The following LRRIQ3 variants were observed in gnomAD, a reference collection of about 807,000 sequenced individuals.
LRRIQ3 encodes the protein leucine-rich repeat and IQ domain-containing protein 3.
LRRIQ3 carries 75 observed loss-of-function variants against 59.3 expected under a neutral mutation model. The ratio of observed to expected loss-of-function variants is 1.26; its 90% confidence interval spans 1.05 to 1.53. The LOEUF is 1.53. Ranked by LOEUF, LRRIQ3 falls within the 40% of genes most tolerant of loss-of-function variation. The pLI is 0.00. For missense variants in LRRIQ3, 831 were observed against 710.0 expected, an observed-to-expected ratio of 1.17 and a Z score of -1.94; for synonymous variants, 250 against 231.3, an observed-to-expected ratio of 1.08 and a Z score of -0.73.
At chr1:74,109,246 T>A in intron 5 of LRRIQ3, 148 bp downstream of exon 5, 1 of 669,664 alleles carries the variant, frequency 1.5e-6, no homozygotes, top group African/African-American at 1.8e-5. Flanking sequence ...ACTATATAAC[T>A]TTTTTCAATC....
chr1:74,164,108 T>C (rs1648823524), intron 3 of LRRIQ3, among the ~76,000 whole-genome samples: 1 of 151,470 alleles, frequency 6.6e-6, no homozygotes, highest in African/African-American at 2.4e-5. Flanking sequence ...GTTTTTGACG[T>C]GTGTGTGTAT....
At chr1:74,183,401 T>C in intron 2 of LRRIQ3, 35 bp downstream of exon 2, 1 of 1,499,084 alleles carries the variant, frequency 6.7e-7, no homozygotes. Context: ...TGAAATTTCG[T>C]TTATATGCAA....
intron 3 of LRRIQ3, among the ~76,000 whole-genome samples, chr1:74,173,275 C>A (rs1419633759): frequency 1.1e-4 from 3 of 28,520 alleles, no homozygotes; most frequent in East Asian, 3.5e-3. Flanking sequence ...CCAGACTGGG[C>A]AAGAGTGAGA....
intron 3 of LRRIQ3, among the ~76,000 whole-genome samples, chr1:74,161,073 A>G (rs1176286342): frequency 6.6e-6 from 1 of 152,084 alleles, no homozygotes; most frequent in Non-Finnish European, 1.5e-5. Context: ...TGGGAAGTCC[A>G]AGATAAAGCT....
At chr1:74,194,167 A>G (rs922831236) in intron 1 of LRRIQ3, among the ~76,000 whole-genome samples, 1 of 152,144 alleles carries the variant, frequency 6.6e-6, no homozygotes, top group African/African-American at 2.4e-5. Flanking sequence ...GGAGTGAGCT[A>G]TGATCTGCCA....
intron 5 of LRRIQ3, among the ~76,000 whole-genome samples, chr1:74,081,134 G>T (rs1196045448): frequency 6.6e-6 from 1 of 151,528 alleles, no homozygotes; most frequent in Non-Finnish European, 1.5e-5. Context: ...TTAAGAGAGT[G>T]AACTAGAAGT....
chr1:74,131,114 T>C (rs1647010491), intron 4 of LRRIQ3, among the ~76,000 whole-genome samples: 1 of 151,998 alleles, frequency 6.6e-6, no homozygotes, highest in Admixed American at 6.6e-5. Flanking sequence ...TCAAATAAAC[T>C]AGATATCTAG....
intron 5 of LRRIQ3, among the ~76,000 whole-genome samples, chr1:74,089,168 GT>G (rs1557609459): frequency 6.6e-6 from 1 of 152,014 alleles, no homozygotes; most frequent in Non-Finnish European, 1.5e-5. Context: ...ACAAGTATTG[GT>G]TGGGTTTTGG....
chr1:74,141,280 A>G (rs1647244882), intron 4 of LRRIQ3, among the ~76,000 whole-genome samples: 1 of 151,892 alleles, frequency 6.6e-6, no homozygotes. Flanking sequence ...TTTAAAAAAT[A>G]TACTTCAGTT....
intron 6 of LRRIQ3, among the ~76,000 whole-genome samples, chr1:74,060,815 G>C (rs936325582): frequency 6.6e-6 from 1 of 152,128 alleles, no homozygotes; most frequent in Non-Finnish European, 1.5e-5. Flanking sequence ...GGCATTGAGA[G>C]TGGACAGAGA....
chr1:74,097,347 G>C lies in LRRIQ3; in HGVS notation c.867+12047C>G, dbSNP rs543622230. On this transcript the variant is annotated intron_variant, in intron 5 of 7. Transcript: ENST00000354431. ...TCAAATGAATGAAATGAAGCGAGAA[G>C]AGAAGTTAGAGAAAAAAGCGTTAAA... Among the ~76,000 whole-genome samples the C allele has an allele frequency of 5.3e-5, 8 of 152,222 alleles. No homozygotes were observed. The South Asian group carries it at 1.7e-3, about 32-fold the overall frequency.
At chr1:74,053,074 C>T (rs544941978) in intron 6 of LRRIQ3, among the ~76,000 whole-genome samples, 27 of 149,728 alleles carry the variant, frequency 1.8e-4, no homozygotes, top group African/African-American at 6.4e-4. Context: ...AGATCTGTCC[C>T]GTGATATAGT....
At chr1:74,122,628 G>A (rs866448352) in intron 4 of LRRIQ3, among the ~76,000 whole-genome samples, 6 of 152,202 alleles carry the variant, frequency 3.9e-5, no homozygotes, top group Middle Eastern at 3.4e-3. Flanking sequence ...CTAGCCATAC[G>A]TAGAAAGCTG....
rs199646124 is a variant in LRRIQ3, at chr1:74,026,845, C to G, written c.1843G>C (p.Asp615His). ...TKVAIVKTNL[D>H]FKVPNGLIK is the part of the protein sequence containing the mutation. ...ATCAGTCCATTGGGAACTTTAAAGT[C>G]TAAATTTGTTTTCACAATTGCTACT... is the stretch of plus-strand genomic sequence containing the variant. Residue 615 changes from aspartate (D) to histidine (H), a missense_variant, in exon 8 of 8, where the codon GAC (aspartate) becomes CAC (histidine). Transcript: ENST00000354431. The G allele has an allele frequency of 1.2e-6, 2 of 1,607,922 alleles. No homozygotes were observed. Among genetic ancestry groups the G allele is most frequent in the Non-Finnish European group, 1.7e-6 (2 of 1,177,512 alleles).
chr1:74,054,756 A>ATATATC, intron 6 of LRRIQ3, among the ~76,000 whole-genome samples: 1 of 144,254 alleles, frequency 6.9e-6, no homozygotes, highest in East Asian at 2.0e-4. Context: ...ATATATATAT[A>ATATATC]TCTATATATC....
intron 4 of LRRIQ3, among the ~76,000 whole-genome samples, chr1:74,134,507 A>G (rs1647087371): frequency 6.6e-6 from 1 of 151,974 alleles, no homozygotes; most frequent in South Asian, 2.1e-4. Flanking sequence ...AAGAGTCTAT[A>G]AGTATATATT....
At chr1:74,178,527 A>G (rs1201088600) in intron 3 of LRRIQ3, among the ~76,000 whole-genome samples, 2 of 152,160 alleles carry the variant, frequency 1.3e-5, no homozygotes, top group Non-Finnish European at 2.9e-5. Flanking sequence ...ATTTACATTA[A>G]AAGAACAAAT....
At chr1:74,043,449 C>T (rs909009287) in intron 6 of LRRIQ3, among the ~76,000 whole-genome samples, 11 of 151,982 alleles carry the variant, frequency 7.2e-5, no homozygotes, top group African/African-American at 2.2e-4. Context: ...GGAGTATCAA[C>T]GTTGGAAAAG....
intron 4 of LRRIQ3, among the ~76,000 whole-genome samples, chr1:74,123,638 C>T (rs1260572618): frequency 6.6e-6 from 1 of 152,024 alleles, no homozygotes; most frequent in Admixed American, 6.6e-5. Flanking sequence ...GGATCTCATT[C>T]TTTTTCTGTG....
Sources: gnomAD v4.1 joint callset for allele counts (sites outside exome capture counted in the v4.1 genomes callset) on GRCh38, gnomAD v4.1.1 for gene constraint, MANE v1.5 for transcripts, NCBI Gene and HGNC (gene_info 2026-07-23, HGNC 2026-07-21) for gene names.